Variants in ZFHX3 observed in about 807,000 individuals in gnomAD.
ZFHX3 encodes the protein zinc finger homeobox protein 3.
Under a neutral mutation model 279.1 loss-of-function variants are expected in ZFHX3, and 42 were observed. The ratio of observed to expected loss-of-function variants is 0.15; its 90% confidence interval spans 0.12 to 0.19. The LOEUF is 0.19. ZFHX3 is among the 10% of genes least tolerant of loss of function. ZFHX3 has a pLI of 1.00. For synonymous variants in ZFHX3, 2,293 were observed against 1,957.8 expected (o/e 1.17, Z -4.52); for missense variants, 4,981 against 4,754.0 (o/e 1.05, Z -1.40).
intron 2 of ZFHX3, among the ~76,000 whole-genome samples, chr16:73,651,236 GAA>G (rs34022957): frequency 4.1e-5 from 6 of 147,668 alleles, no homozygotes; most frequent in East Asian, 2.0e-4. Flanking sequence ...AATACGAGGA[GAA>G]AAAAAAAAAG....
chr16:72,983,709 A>G (rs75854828), intron 1 of ZFHX3, among the ~76,000 whole-genome samples: 3 of 145,190 alleles, frequency 2.1e-5, no homozygotes, highest in Non-Finnish European at 4.7e-5. Flanking sequence ...CTTGTCTCAG[A>G]AAAAAAAAAA....
chr16:73,393,577 T>C (rs911976489), intron 3 of ZFHX3, among the ~76,000 whole-genome samples: 4 of 152,206 alleles, frequency 2.6e-5, no homozygotes, highest in African/African-American at 9.6e-5. Flanking sequence ...GAAAATCAAG[T>C]TGCTACTGGA....
chr16:73,209,779 T>C (rs1169182653), intron 5 of ZFHX3, among the ~76,000 whole-genome samples: 3 of 152,172 alleles, frequency 2.0e-5, no homozygotes, highest in Non-Finnish European at 2.9e-5. Flanking sequence ...GAAAACTCCA[T>C]TGTACACTTG....
At chr16:73,647,053 T>C (rs1169028098) in intron 2 of ZFHX3, among the ~76,000 whole-genome samples, 1 of 151,332 alleles carries the variant, frequency 6.6e-6, no homozygotes, top group Non-Finnish European at 1.5e-5. Flanking sequence ...GGAACTCTGT[T>C]GCCAGGTTGG....
At chr16:72,989,697 A>G (rs1406935525) in intron 1 of ZFHX3, among the ~76,000 whole-genome samples, 1 of 152,236 alleles carries the variant, frequency 6.6e-6, no homozygotes, top group African/African-American at 2.4e-5. Flanking sequence ...ATGAGTTAGC[A>G]GTAACAGGAG....
At chr16:73,786,206 A>G (rs552591081) in intron 1 of ZFHX3, among the ~76,000 whole-genome samples, 1 of 151,450 alleles carries the variant, frequency 6.6e-6, no homozygotes, top group African/African-American at 2.4e-5. Flanking sequence ...TCCTACTCTT[A>G]TTTCATGGAT....
At chr16:73,848,247 T>G (rs1158547242) in intron 1 of ZFHX3, among the ~76,000 whole-genome samples, 1 of 152,130 alleles carries the variant, frequency 6.6e-6, no homozygotes, top group East Asian at 1.9e-4. Context: ...TAGACTCCCT[T>G]AGGAGCACTC....
intron 1 of ZFHX3, among the ~76,000 whole-genome samples, chr16:72,963,029 A>C (rs1837042542): frequency 6.6e-6 from 1 of 152,160 alleles, no homozygotes; most frequent in Non-Finnish European, 1.5e-5. Flanking sequence ...GGTAGTTCTT[A>C]CTTAAGGAGG....
chr16:73,566,688 CTTTTTTTTTTTT>C (rs35009584), intron 2 of ZFHX3, among the ~76,000 whole-genome samples: 1 of 120,022 alleles, frequency 8.3e-6, no homozygotes, highest in African/African-American at 3.4e-5. Context: ...ACCAAGCTAA[CTTTTTTTTTTTT>C]TTTTTTTTTT....
At chr16:73,612,601 C>T (rs2052258551) in intron 2 of ZFHX3, among the ~76,000 whole-genome samples, 1 of 152,164 alleles carries the variant, frequency 6.6e-6, no homozygotes, top group Non-Finnish European at 1.5e-5. Flanking sequence ...ATGTAAATTA[C>T]ATTGCAATAA....
At chr16:72,897,163 A>T (rs2038919912) in intron 3 of ZFHX3, among the ~76,000 whole-genome samples, 1 of 152,182 alleles carries the variant, frequency 6.6e-6, no homozygotes, top group South Asian at 2.1e-4. Flanking sequence ...AGTCCATTGA[A>T]CTGGAGGCCC....
rs374231515 is a variant in ZFHX3 at position 73,746,613 on chromosome 16, T to C, written c.-1607-66373A>G. 7.7e-4 allele frequency among the ~76,000 whole-genome samples: 117 copies of C among 152,280 alleles called. 2 individuals are homozygous for C. The East Asian group carries it at 0.011, about 15-fold the overall frequency. Reference sequence around the variant, plus strand: ...AGTTCAGAGATGAGACGATTTCCTGTATGGAGGACCAATTTTCTTAAAATA... The same window carrying C: ...AGTTCAGAGATGAGACGATTTCCTGCATGGAGGACCAATTTTCTTAAAATA... On this transcript the variant is annotated intron_variant, in intron 1 of 17. Transcript: ENST00000641206.
Position 72,795,828 on chromosome 16 carries a change from A to G in ZFHX3, c.6854T>C (p.Val2285Ala). 1 of 1,613,862 alleles carries G rather than the reference A, an allele frequency of 6.2e-7. No homozygotes were observed. The highest frequency in any genetic ancestry group is 8.5e-7 in the Non-Finnish European group (1 of 1,179,990). The change falls in exon 9 of 10, where the codon GTG becomes GCG. Residue 2285 changes from valine (V) to alanine (A), a missense_variant. By Grantham distance (64) the Val-to-Ala change is moderately conservative. Around this residue, in one of 7 missense-constraint regions of ZFHX3, gnomAD observed 177 missense variants for 244.2 expected, o/e 0.72. Transcript: ENST00000268489. Reference protein sequence around the residue: ...LSNLLNLPTRVIVVWFQNARQ... With the variant: ...LSNLLNLPTRAIVVWFQNARQ... ...GGCATTCTGAAACCACACCACTATCACTCGGGTTGGAAGGTTCAGTAAATT... is the reference window on the plus strand; with the variant it reads ...GGCATTCTGAAACCACACCACTATCGCTCGGGTTGGAAGGTTCAGTAAATT...
chr16:73,486,711 G>A, intron 2 of ZFHX3: 1 of 438,626 alleles, frequency 2.3e-6, no homozygotes, highest in African/African-American at 2.0e-5. Flanking sequence ...CTGGTTTCCT[G>A]CTAAATCTAG....
chr16:72,884,125 C>A (rs2038564334), intron 4 of ZFHX3, among the ~76,000 whole-genome samples: 1 of 152,070 alleles, frequency 6.6e-6, no homozygotes, highest in Non-Finnish European at 1.5e-5. Flanking sequence ...AGTATATATT[C>A]TTGGTCTCTT....
chr16:73,398,662 T>C (rs2017180529), intron 3 of ZFHX3, among the ~76,000 whole-genome samples: 1 of 152,214 alleles, frequency 6.6e-6, no homozygotes. Flanking sequence ...ACATAATTTG[T>C]GTCCAGACTT....
At chr16:73,683,630 C>T (rs1351222044) in intron 1 of ZFHX3, among the ~76,000 whole-genome samples, 9 of 150,716 alleles carry the variant, frequency 6.0e-5, no homozygotes, top group Non-Finnish European at 1.0e-4. Flanking sequence ...CAACCTCTGC[C>T]TCCTGGACTC....
At chr16:73,743,533 C>T (rs1597091500) in intron 1 of ZFHX3, among the ~76,000 whole-genome samples, 1 of 152,062 alleles carries the variant, frequency 6.6e-6, no homozygotes, top group South Asian at 2.1e-4. Context: ...TAAGAGAATG[C>T]CTATTTCTCT....
chr16:73,165,312 CGCAGAAAATGTTTCAACAGGA>C (rs1189188367), intron 5 of ZFHX3, among the ~76,000 whole-genome samples: 1 of 152,118 alleles, frequency 6.6e-6, no homozygotes, highest in Non-Finnish European at 1.5e-5. Context: ...GAGGCTCAAG[CGCAGAAAATGTTTCAACAGGA>C]CTCCAAGGAG....
Sources: allele counts gnomAD v4.1 joint callset (sites outside exome capture counted in the v4.1 genomes callset), GRCh38; gene constraint gnomAD v4.1.1; regional missense constraint gnomAD v4.1.1; transcripts MANE v1.5; gene names NCBI Gene and HGNC (gene_info 2026-07-23, HGNC 2026-07-21).